PTPRE: variants seen among roughly 807,000 people sequenced by gnomAD.
PTPRE encodes the protein protein tyrosine phosphatase receptor type E, also known as receptor-type tyrosine-protein phosphatase epsilon.
A neutral mutation model predicts 102.0 loss-of-function variants in PTPRE; 51 were observed. That is an observed-to-expected ratio of 0.50 (90% CI 0.40 to 0.63). The LOEUF (loss-of-function observed/expected upper bound fraction) is 0.63. Ranked by LOEUF, PTPRE falls within the 30% of genes least tolerant of loss-of-function variation. The pLI, the probability that PTPRE is intolerant of heterozygous loss-of-function variation, is 0.00. For missense variants in PTPRE, 752 were observed against 915.1 expected (o/e 0.82, Z 2.30); for synonymous variants, 345 against 348.2 (o/e 0.99, Z 0.10).
intron 1 of PTPRE, among the ~76,000 whole-genome samples, chr10:127,962,536 C>T (rs1849905095): frequency 6.6e-6 from 1 of 152,178 alleles, no homozygotes; most frequent in Admixed American, 6.5e-5. Context: ...ATGGAGTGTG[C>T]CCTGGTGACA....
intron 1 of PTPRE, among the ~76,000 whole-genome samples, chr10:127,936,332 G>A (rs1847843089): frequency 6.6e-6 from 1 of 152,128 alleles, no homozygotes; most frequent in African/African-American, 2.4e-5. Flanking sequence ...GGATTTGGGG[G>A]CTGGTTTTTT....
chr10:128,022,758 C>A (rs376143348), intron 2 of PTPRE, among the ~76,000 whole-genome samples: 4 of 152,288 alleles, frequency 2.6e-5, no homozygotes, highest in East Asian at 3.9e-4. Flanking sequence ...GCTTCCCAGG[C>A]GGGCACAGGG....
intron 1 of PTPRE, among the ~76,000 whole-genome samples, chr10:127,927,270 C>T (rs534862268): frequency 4.6e-5 from 7 of 152,228 alleles, no homozygotes; most frequent in South Asian, 4.1e-4. Flanking sequence ...ATGTCTAACT[C>T]GGCTACTTTT....
rs1852030365 is a variant in PTPRE, at chr10:128,085,615, A to C, written c.*2709A>C. ...GAGACATCCCCATGTTATTCTTTTA[A>C]GTGTATAATTACTGATACTTTTTTG... is the stretch of plus-strand genomic sequence containing the variant. On this transcript the variant is annotated 3_prime_UTR_variant, in exon 21 of 21. Transcript: ENST00000254667. The C allele has an allele frequency of 6.5e-6, 1 of 152,708 alleles. No individual in the cohort carries two copies. The highest frequency in any genetic ancestry group is 6.5e-5 in the Admixed American group (1 of 15,296). 9.5% of individuals were successfully genotyped at this position (152,708 alleles called of 1,614,324 possible).
Position 128,085,352 on chromosome 10 carries a change from C to G in PTPRE, c.*2446C>G, listed in dbSNP as rs1221913436. The G allele has an allele frequency of 3.8e-6, 1 of 263,540 alleles. No individual in the cohort carries two copies. The highest frequency in any genetic ancestry group is 2.2e-5 in the African/African-American group (1 of 45,364). The allele number at this position is 263,540 out of a possible 1,614,324, so 16.3% of individuals were successfully genotyped here. A position where few individuals can be genotyped will look rare whatever the true frequency, so the allele number is the denominator to read the frequency against. ...AAACAGCCCCCAAACAGCCCAGTGC[C>G]GACACCATTGTTCCTTTCACACTTT... On this transcript the variant is annotated 3_prime_UTR_variant, in exon 21 of 21. Transcript: ENST00000254667.
At chr10:127,977,174 G>A (rs565456307) in intron 1 of PTPRE, among the ~76,000 whole-genome samples, 28 of 152,260 alleles carry the variant, frequency 1.8e-4, no homozygotes, top group African/African-American at 6.7e-4. Flanking sequence ...GTGTCTTTTG[G>A]GAAAAACTGG....
At chr10:128,034,135 C>A (rs1847003050) in intron 2 of PTPRE, among the ~76,000 whole-genome samples, 1 of 152,140 alleles carries the variant, frequency 6.6e-6, no homozygotes, top group Non-Finnish European at 1.5e-5. Context: ...TGCTCATCAT[C>A]AATCAGATTC....
Position 127,908,212 on chromosome 10 carries a change from T to C in PTPRE, c.-31+903T>C, listed in dbSNP as rs186060846. ...AGGAAACTCAAAGAAAGAATACAGC[T>C]CTCTGCTTGTATTTTAGAGTGAATG... On this transcript the variant is annotated intron_variant, in intron 1 of 20. Coordinates refer to ENST00000254667, the MANE Select transcript of PTPRE (RefSeq NM_006504.6). 1.1e-4 allele frequency among the ~76,000 whole-genome samples: 17 copies of C among 152,236 alleles called. No homozygotes were observed. In the East Asian group the frequency reaches 3.3e-3, roughly 29 times the overall value.
chr10:127,924,224 T>TTTG (rs960979296), intron 1 of PTPRE, among the ~76,000 whole-genome samples: 1 of 151,948 alleles, frequency 6.6e-6, no homozygotes, highest in Non-Finnish European at 1.5e-5. Flanking sequence ...GGTGAGCTTG[T>TTTG]TTGTTGTTGT....
rs71971604 is a variant in PTPRE, at chr10:128,018,872, T to TCACA, written c.-7-21989_-7-21986dup. Among the ~76,000 whole-genome samples, 1,091 of 151,074 alleles carry TCACA rather than the reference T, an allele frequency of 7.2e-3. 7 individuals are homozygous for TCACA. Among genetic ancestry groups the TCACA allele is most frequent in the Non-Finnish European group, 0.01 (708 of 67,658 alleles). On this transcript the variant is annotated intron_variant, in intron 2 of 20. Transcript: ENST00000254667. ...CTCTGCATCTCTGTCTCTCTCTCTC[T>TCACA]CACACACACACACACACTCACACAG... is the stretch of plus-strand genomic sequence containing the variant.
At chr10:128,061,537 GTT>G in intron 8 of PTPRE, 140 bp from the exon 9 acceptor site, 1 of 1,046,000 alleles carries the variant, frequency 9.6e-7, no homozygotes. Context: ...TTGCTGGTGA[GTT>G]TTCTTTCCTT....
At chr10:128,057,019 C>T (rs532706555) in intron 7 of PTPRE, among the ~76,000 whole-genome samples, 5 of 152,122 alleles carry the variant, frequency 3.3e-5, no homozygotes, top group African/African-American at 1.2e-4. Flanking sequence ...AGTTCAAGAC[C>T]AGCCTGGCCA....
intron 2 of PTPRE, among the ~76,000 whole-genome samples, chr10:127,985,988 G>A (rs1463606017): frequency 6.6e-6 from 1 of 152,082 alleles, no homozygotes; most frequent in Non-Finnish European, 1.5e-5. Context: ...CTACTTGAGA[G>A]GCTGAGGCAT....
At chr10:128,057,171 C>T (rs1324261574) in intron 7 of PTPRE, among the ~76,000 whole-genome samples, 11 of 151,574 alleles carry the variant, frequency 7.3e-5, no homozygotes, top group Non-Finnish European at 1.0e-4. Context: ...GAGCCGAGAT[C>T]GCGCCATTGC....
At chr10:127,943,632 G>T (rs1848407787) in intron 1 of PTPRE, among the ~76,000 whole-genome samples, 1 of 152,236 alleles carries the variant, frequency 6.6e-6, no homozygotes, top group South Asian at 2.1e-4. Flanking sequence ...GAATGCGCAG[G>T]AGGCTTCCAG....
At chr10:127,979,113 A>G (rs546495930) in intron 1 of PTPRE, among the ~76,000 whole-genome samples, 140 of 152,342 alleles carry the variant, frequency 9.2e-4, no homozygotes, top group African/African-American at 2.7e-3. Context: ...GAGATGCCAT[A>G]AGCAGTGCCC....
At chr10:128,049,093 G>A (rs1440563219) in intron 5 of PTPRE, among the ~76,000 whole-genome samples, 2 of 152,150 alleles carry the variant, frequency 1.3e-5, no homozygotes, top group Non-Finnish European at 2.9e-5. Flanking sequence ...AAGAAGAAAA[G>A]GCTGAGAGAG....
At chr10:128,059,950 ACAC>A (rs1378141181) in intron 7 of PTPRE, among the ~76,000 whole-genome samples, 4 of 149,754 alleles carry the variant, frequency 2.7e-5, no homozygotes, top group East Asian at 4.0e-4. Flanking sequence ...ACACACACAC[ACAC>A]AACACACACA....
intron 2 of PTPRE, among the ~76,000 whole-genome samples, chr10:128,038,616 T>A (rs963504395): frequency 1.5e-5 from 2 of 129,124 alleles, no homozygotes; most frequent in Non-Finnish European, 3.1e-5. Context: ...ATGAGAACAC[T>A]TGGACACAGG....
Sources: gnomAD v4.1 joint callset for allele counts (sites outside exome capture counted in the v4.1 genomes callset) on GRCh38, gnomAD v4.1.1 for gene constraint, MANE v1.5 for transcripts, NCBI Gene and HGNC (gene_info 2026-07-23, HGNC 2026-07-21) for gene names.